Variants in SGCZ observed in about 807,000 individuals in gnomAD.
SGCZ encodes zeta-sarcoglycan.
SGCZ carries 40 observed loss-of-function variants against 41.3 expected under a neutral mutation model. The observed-to-expected ratio is 0.97, with a 90% CI of 0.75 to 1.26. SGCZ has a LOEUF of 1.26. Ranked by LOEUF, SGCZ falls within the 50% of genes most tolerant of loss-of-function variation. The pLI, the probability that SGCZ is intolerant of heterozygous loss-of-function variation, is 0.00. For missense variants in SGCZ, 552 were observed against 369.8 expected, an observed-to-expected ratio of 1.49 and a Z score of -4.04; for synonymous variants, 206 against 137.5, an observed-to-expected ratio of 1.50 and a Z score of -3.49.
Position 14,200,095 on chromosome 8 carries a change from G to T in SGCZ, c.425-35393C>A, listed in dbSNP as rs528978899. Among the ~76,000 whole-genome samples the T allele has an allele frequency of 3.3e-5, 5 of 152,126 alleles. No individual in the cohort carries two copies. In the South Asian group the frequency reaches 1.0e-3, roughly 32 times the overall value. The stretch of plus-strand genomic sequence containing the variant: ...GTTTCTGACATCTCCTGGCAGTGTT[G>T]GAATATATCCCCTGTGGATAATGGG... On this transcript the variant is annotated intron_variant, in intron 4 of 7. Transcript: ENST00000382080.
At chr8:14,211,072 T>C (rs1230503208) in intron 4 of SGCZ, among the ~76,000 whole-genome samples, 1 of 152,178 alleles carries the variant, frequency 6.6e-6, no homozygotes, top group Admixed American at 6.5e-5. Flanking sequence ...CCATTTATCG[T>C]CTTTCATCTC....
At chr8:15,148,273 G>A (rs1799088239) in intron 1 of SGCZ, among the ~76,000 whole-genome samples, 1 of 152,150 alleles carries the variant, frequency 6.6e-6, no homozygotes, top group South Asian at 2.1e-4. Context: ...ATAGTAGTTG[G>A]GATAAGCTGA....
intron 5 of SGCZ, among the ~76,000 whole-genome samples, chr8:14,125,428 A>C (rs6996119): frequency 0.99 from 148,992 of 151,214 alleles, 73,432 homozygotes; most frequent in East Asian, 1. Flanking sequence ...GGCGTGAACC[A>C]GGGAGGCAGA....
intron 2 of SGCZ, among the ~76,000 whole-genome samples, chr8:14,452,065 C>G (rs1225126656): frequency 6.6e-6 from 1 of 152,138 alleles, no homozygotes; most frequent in Non-Finnish European, 1.5e-5. Flanking sequence ...TTTGCCAAAA[C>G]TTGGAAATAA....
chr8:15,014,512 T>G (rs1250203168), intron 1 of SGCZ, among the ~76,000 whole-genome samples: 1 of 152,230 alleles, frequency 6.6e-6, no homozygotes, highest in Non-Finnish European at 1.5e-5. Flanking sequence ...CTAAGAAAGT[T>G]TCAGTGCAGG....
chr8:14,362,980 A>T (rs1367025500), intron 2 of SGCZ, among the ~76,000 whole-genome samples: 1 of 152,190 alleles, frequency 6.6e-6, no homozygotes, highest in African/African-American at 2.4e-5. Flanking sequence ...ATGACTTTAC[A>T]GATTTTTTTC....
chr8:14,993,456 G>C (rs926458187), intron 1 of SGCZ, among the ~76,000 whole-genome samples: 1 of 152,120 alleles, frequency 6.6e-6, no homozygotes, highest in Non-Finnish European at 1.5e-5. Context: ...GTACTATCAA[G>C]ATAGACCATA....
chr8:14,558,564 G>T lies in SGCZ; in HGVS notation c.40-3638C>A, dbSNP rs529852494. 1.7e-4 allele frequency among the ~76,000 whole-genome samples: 23 copies of T among 139,226 alleles called. No homozygotes were observed. The South Asian group carries it at 5.2e-3, about 31-fold the overall frequency. 91.3% of individuals were successfully genotyped at this position (139,226 alleles called of 152,430 possible). On this transcript the variant is annotated intron_variant, in intron 1 of 7. Coordinates refer to ENST00000382080, the MANE Select transcript of SGCZ (RefSeq NM_139167.4). Reference sequence around the variant, plus strand: ...CACTTCAGCCTGGGTGACAGAATGAGAATGACTCTTAGAGAGAGAGAGAGA... The same window carrying T: ...CACTTCAGCCTGGGTGACAGAATGATAATGACTCTTAGAGAGAGAGAGAGA...
chr8:14,114,893 TA>T (rs1400048561), intron 5 of SGCZ, among the ~76,000 whole-genome samples: 1 of 151,830 alleles, frequency 6.6e-6, no homozygotes, highest in Non-Finnish European at 1.5e-5. Context: ...TAGTCAACAA[TA>T]AGAGTAATAC....
chr8:14,551,480 T>TAATA (rs773471657), intron 2 of SGCZ, among the ~76,000 whole-genome samples: 3 of 14,106 alleles, frequency 2.1e-4, no homozygotes, highest in South Asian at 1.5e-3. Context: ...ATATTATATA[T>TAATA]TATATATATT....
chr8:15,174,098 A>G (rs1799931249), intron 1 of SGCZ, among the ~76,000 whole-genome samples: 1 of 152,168 alleles, frequency 6.6e-6, no homozygotes, highest in Admixed American at 6.5e-5. Flanking sequence ...TTATACCAAC[A>G]GATCTATTTT....
intron 1 of SGCZ, among the ~76,000 whole-genome samples, chr8:15,045,817 C>T (rs908362426): frequency 3.9e-5 from 6 of 151,966 alleles, no homozygotes; most frequent in African/African-American, 1.4e-4. Flanking sequence ...AGTGCAGACA[C>T]CATCCAATCA....
chr8:14,637,374 G>A (rs1585144070), intron 1 of SGCZ, among the ~76,000 whole-genome samples: 1 of 151,242 alleles, frequency 6.6e-6, no homozygotes, highest in South Asian at 2.1e-4. Context: ...TGTTACACGA[G>A]TAAATTGCGT....
At chr8:14,213,107 C>A in intron 4 of SGCZ, among the ~76,000 whole-genome samples, 1 of 151,818 alleles carries the variant, frequency 6.6e-6, no homozygotes, top group East Asian at 1.9e-4. Flanking sequence ...ATCAAAATTA[C>A]AGAAGGAGAG....
intron 1 of SGCZ, among the ~76,000 whole-genome samples, chr8:15,077,348 C>T (rs866085108): frequency 6.6e-6 from 1 of 152,150 alleles, no homozygotes; most frequent in Admixed American, 6.5e-5. Context: ...GTATTTACAG[C>T]TGTTATTGCA....
intron 1 of SGCZ, among the ~76,000 whole-genome samples, chr8:14,791,739 A>T (rs1392920569): frequency 6.6e-6 from 1 of 152,210 alleles, no homozygotes; most frequent in East Asian, 1.9e-4. Context: ...TTCTGATCCA[A>T]CCTTCAGTAA....
chr8:14,633,296 G>T (rs991494603), intron 1 of SGCZ, among the ~76,000 whole-genome samples: 2 of 151,886 alleles, frequency 1.3e-5, no homozygotes, highest in Admixed American at 6.6e-5. Context: ...ACATAATGAG[G>T]TTTGAATTTT....
In SGCZ at chr8:14,087,359, TC is replaced by T. The variant is rs987341507; in HGVS notation, c.*3083del. 1.3e-5 allele frequency among the ~76,000 whole-genome samples: 2 copies of T among 151,622 alleles called. No homozygotes were observed. The highest frequency in any genetic ancestry group is 4.8e-5 in the African/African-American group (2 of 41,374). ...TTCTGAAAAAGAAAAGAATAATGTG[TC>T]CTCTTTGCATCTTTCCTTTTGTGAT... is the stretch of plus-strand genomic sequence containing the variant. On this transcript the variant is annotated 3_prime_UTR_variant, in exon 8 of 8. Coordinates refer to ENST00000382080, the MANE Select transcript of SGCZ (RefSeq NM_139167.4).
chr8:14,343,617 G>A lies in SGCZ; in HGVS notation c.235-19413C>T, dbSNP rs954701154. Among the ~76,000 whole-genome samples, 4 of 152,168 alleles carry A rather than the reference G, an allele frequency of 2.6e-5. No homozygotes were observed. The South Asian group carries it at 8.3e-4, about 32-fold the overall frequency. On this transcript the variant is annotated intron_variant, in intron 2 of 7. Transcript: ENST00000382080. ...AAAATTAAATACTAGTGCTCAGTCAGGGGAAGGGGTTCTAGTAAATATTGC... is the reference window on the plus strand; with the variant it reads ...AAAATTAAATACTAGTGCTCAGTCAAGGGAAGGGGTTCTAGTAAATATTGC...
Sources: gnomAD v4.1 joint callset for allele counts (sites outside exome capture counted in the v4.1 genomes callset) on GRCh38, gnomAD v4.1.1 for gene constraint, MANE v1.5 for transcripts, NCBI Gene and HGNC (gene_info 2026-07-23, HGNC 2026-07-21) for gene names.